The following COL19A1 variants were observed in gnomAD, a reference collection of about 807,000 sequenced individuals.
The protein encoded by COL19A1 is collagen alpha-1(XIX) chain.
Under a neutral mutation model 190.2 loss-of-function variants are expected in COL19A1, and 159 were observed. The ratio of observed to expected loss-of-function variants is 0.84; its 90% CI spans 0.73 to 0.95. The LOEUF (loss-of-function observed/expected upper bound fraction) is 0.95. Among genes scored for constraint, COL19A1 ranks in the 40% least tolerant of loss-of-function variants. The pLI is 0.00. For synonymous variants in COL19A1, 509 were observed against 458.9 expected (o/e 1.11, Z -1.39); for missense variants, 1,418 against 1,431.9 (o/e 0.99, Z 0.16).
intron 4 of COL19A1, among the ~76,000 whole-genome samples, chr6:69,912,852 C>T (rs942269056): frequency 2.5e-4 from 38 of 152,110 alleles, no homozygotes; most frequent in African/African-American, 8.5e-4. Context: ...CTTTGGGAGG[C>T]CAAGGCAGGC....
chr6:69,948,966 G>A (rs1490070480), intron 9 of COL19A1, among the ~76,000 whole-genome samples: 2 of 151,770 alleles, frequency 1.3e-5, no homozygotes, highest in African/African-American at 4.8e-5. Flanking sequence ...TCTGTGTGAA[G>A]ACACTGTTCC....
intron 14 of COL19A1, among the ~76,000 whole-genome samples, chr6:70,063,508 A>G (rs1200574670): frequency 6.6e-6 from 1 of 152,182 alleles, no homozygotes; most frequent in Non-Finnish European, 1.5e-5. Flanking sequence ...TTATAGCACT[A>G]AATGCCCACA....
chr6:70,141,659 C>A (rs1048014761), intron 20 of COL19A1, among the ~76,000 whole-genome samples: 2 of 151,736 alleles, frequency 1.3e-5, no homozygotes, highest in Admixed American at 6.6e-5. Flanking sequence ...TAATTAGTGT[C>A]AAAAATGGCA....
At chr6:70,083,666 C>G (rs190688358) in intron 15 of COL19A1, among the ~76,000 whole-genome samples, 269 of 152,180 alleles carry the variant, frequency 1.8e-3, no homozygotes, top group Non-Finnish European at 2.6e-3. Flanking sequence ...AACAGTTTAG[C>G]CTTGTAATAA....
intron 2 of COL19A1, among the ~76,000 whole-genome samples, chr6:69,889,016 C>T (rs1296387885): frequency 1.3e-5 from 2 of 151,996 alleles, no homozygotes; most frequent in Non-Finnish European, 2.9e-5. Context: ...TTTTAAGAAG[C>T]CTTTTTTAAA....
intron 12 of COL19A1, among the ~76,000 whole-genome samples, chr6:70,024,903 G>A (rs960618592): frequency 6.6e-6 from 1 of 152,168 alleles, no homozygotes; most frequent in Non-Finnish European, 1.5e-5. Flanking sequence ...GTCATTGGAG[G>A]CACGTGGTGA....
chr6:70,137,872 T>A lies in COL19A1; in HGVS notation c.1446+125T>A, dbSNP rs1188738236. On this transcript the variant is annotated intron_variant, in intron 19 of 50. Coordinates refer to ENST00000620364, the MANE Select transcript of COL19A1 (RefSeq NM_001858.6). ...CTGTCATGGGAAACAACAGATCAGA[T>A]CTTCAAGCAAGTACTAGCTACGCTA... 22 of 830,394 alleles carry A rather than the reference T, an allele frequency of 2.6e-5. No individual in the cohort carries two copies. In the East Asian group the frequency reaches 5.6e-4, roughly 21 times the overall value. The allele number at this position is 830,394 out of a possible 1,614,324, so 51.4% of individuals were successfully genotyped here.
intron 40 of COL19A1, among the ~76,000 whole-genome samples, chr6:70,171,344 G>T (rs1027010915): frequency 6.6e-6 from 1 of 152,162 alleles, no homozygotes; most frequent in African/African-American, 2.4e-5. Context: ...GGATCTACAG[G>T]CTCCAGCTAG....
chr6:69,988,588 T>C (rs1776435000), intron 11 of COL19A1, among the ~76,000 whole-genome samples: 1 of 152,182 alleles, frequency 6.6e-6, no homozygotes, highest in African/African-American at 2.4e-5. Context: ...GACAAGAAAG[T>C]TTACTGAGTT....
chr6:69,893,918 C>T (rs565936228), intron 2 of COL19A1, among the ~76,000 whole-genome samples: 1 of 152,310 alleles, frequency 6.6e-6, no homozygotes, highest in Non-Finnish European at 1.5e-5. Flanking sequence ...CAATTGTCAA[C>T]CAGAAAATGT....
At chr6:70,026,629 C>T (rs1048108752) in intron 12 of COL19A1, among the ~76,000 whole-genome samples, 4 of 149,912 alleles carry the variant, frequency 2.7e-5, no homozygotes, top group African/African-American at 7.3e-5. Context: ...TCTCCTCTTT[C>T]CCCTCTATCA....
chr6:70,037,730 G>T (rs1411970999), intron 14 of COL19A1, among the ~76,000 whole-genome samples: 2 of 152,058 alleles, frequency 1.3e-5, no homozygotes, highest in Non-Finnish European at 2.9e-5. Flanking sequence ...TACAATTTTG[G>T]CTTCTCAATC....
At chr6:69,950,558 G>A (rs950790230) in intron 9 of COL19A1, among the ~76,000 whole-genome samples, 1 of 151,616 alleles carries the variant, frequency 6.6e-6, no homozygotes, top group Admixed American at 6.6e-5. Context: ...TAGGTAGCTG[G>A]CGACTTCTGG....
At chr6:70,006,030 C>T (rs1434516911) in intron 11 of COL19A1, among the ~76,000 whole-genome samples, 2 of 152,006 alleles carry the variant, frequency 1.3e-5, no homozygotes, top group Non-Finnish European at 2.9e-5. Flanking sequence ...ACTGAAAAGC[C>T]CTTGAAAAGG....
intron 16 of COL19A1, among the ~76,000 whole-genome samples, chr6:70,120,047 T>A (rs1312573776): frequency 6.6e-6 from 1 of 152,132 alleles, no homozygotes; most frequent in East Asian, 1.9e-4. Context: ...GCTGAGATCG[T>A]GCCACTGCAC....
intron 11 of COL19A1, among the ~76,000 whole-genome samples, chr6:70,008,719 G>A (rs190603994): frequency 2.6e-5 from 4 of 151,860 alleles, no homozygotes; most frequent in Non-Finnish European, 4.4e-5. Context: ...GCAAGTCAAA[G>A]ACCTCAGAAA....
chr6:70,018,515 G>A (rs912411265), intron 11 of COL19A1, among the ~76,000 whole-genome samples: 1 of 152,062 alleles, frequency 6.6e-6, no homozygotes, highest in African/African-American at 2.4e-5. Flanking sequence ...TTAGAGTGGT[G>A]GTAACAAAAC....
At chr6:69,925,665 A>G (rs1448038734) in intron 4 of COL19A1, among the ~76,000 whole-genome samples, 1 of 152,116 alleles carries the variant, frequency 6.6e-6, no homozygotes, top group Admixed American at 6.6e-5. Context: ...GAATCTATAA[A>G]TTATCTTGGG....
chr6:70,097,589 A>G (rs1400858184), intron 15 of COL19A1, among the ~76,000 whole-genome samples: 2 of 152,128 alleles, frequency 1.3e-5, no homozygotes, highest in Admixed American at 1.3e-4. Flanking sequence ...ACACTCATGC[A>G]TGCTCAGGTT....
Sources: allele counts gnomAD v4.1 joint callset (sites outside exome capture counted in the v4.1 genomes callset), GRCh38; gene constraint gnomAD v4.1.1; transcripts MANE v1.5; gene names NCBI Gene and HGNC (gene_info 2026-07-23, HGNC 2026-07-21).